Variants in MTUS2 observed in about 807,000 individuals in gnomAD.
MTUS2 encodes the protein microtubule-associated tumor suppressor candidate 2.
Under a neutral mutation model 114.1 loss-of-function variants are expected in MTUS2, and 40 were observed. The ratio of observed to expected loss-of-function variants is 0.35; its 90% CI spans 0.27 to 0.46. The LOEUF (loss-of-function observed/expected upper bound fraction) is 0.46, where lower values mean the gene tolerates loss of function less well. Among genes scored for constraint, MTUS2 ranks in the 20% least tolerant of loss-of-function variants. The pLI is 1.00. For missense variants in MTUS2, 1,679 were observed against 1,705.4 expected (o/e 0.98, Z 0.27); for synonymous variants, 688 against 672.0 (o/e 1.02, Z -0.37).
At chr13:29,128,597 T>C (rs1401401374) in intron 5 of MTUS2, among the ~76,000 whole-genome samples, 1 of 152,222 alleles carries the variant, frequency 6.6e-6, no homozygotes, top group Non-Finnish European at 1.5e-5. Context: ...AATCTTTACA[T>C]GAGCAAGGAT....
intron 3 of MTUS2, among the ~76,000 whole-genome samples, chr13:29,031,789 C>G (rs2138512894): frequency 6.6e-6 from 1 of 152,070 alleles, no homozygotes; most frequent in East Asian, 1.9e-4. Flanking sequence ...AATTAACCAT[C>G]CCAGACACCC....
chr13:28,842,741 G>T (rs894190293), intron 2 of MTUS2, among the ~76,000 whole-genome samples: 2 of 152,200 alleles, frequency 1.3e-5, no homozygotes, highest in Non-Finnish European at 2.9e-5. Flanking sequence ...GAGTTAGTGG[G>T]TTTTCCTGCA....
chr13:29,083,831 A>G (rs891675584), intron 4 of MTUS2, among the ~76,000 whole-genome samples: 1 of 152,158 alleles, frequency 6.6e-6, no homozygotes, highest in Non-Finnish European at 1.5e-5. Context: ...TCAAATTCTT[A>G]ATTATATTTA....
In MTUS2 at chr13:29,498,440, A is replaced by C; in HGVS notation, c.3701A>C (p.His1234Pro). The C allele has an allele frequency of 1.2e-6, 2 of 1,614,198 alleles. No homozygotes were observed. Among genetic ancestry groups the C allele is most frequent in the Non-Finnish European group, 1.7e-6 (2 of 1,180,028 alleles). ...TAGATTGCATTGGCTCCTTATCAGC[A>C]CTTGGAAGAAGACATGAAGAGTCTG... The part of the protein sequence containing the change: ...QLEIALAPYQ[H>P]LEEDMKSLKQ... The change falls in exon 14 of 16, where the codon CAC (histidine) becomes CCC (proline). Residue 1234 changes from histidine (H) to proline (P), a missense_variant. Physicochemically the swap from His to Pro is moderately conservative, Grantham distance 77. Coordinates refer to ENST00000612955, the MANE Select transcript of MTUS2 (RefSeq NM_001033602.4).
chr13:29,015,614 G>A (rs1392221977), intron 2 of MTUS2, among the ~76,000 whole-genome samples: 1 of 152,166 alleles, frequency 6.6e-6, no homozygotes, highest in East Asian at 1.9e-4. Context: ...GAAGTAAAAG[G>A]TGTCATAAAG....
At chr13:29,260,782 A>G (rs3011446) in intron 5 of MTUS2, among the ~76,000 whole-genome samples, 145,101 of 152,278 alleles carry the variant, frequency 0.95, 69,511 homozygotes, top group East Asian at 1. Flanking sequence ...CTTAATCGGG[A>G]CAGTATTCCC....
intron 2 of MTUS2, among the ~76,000 whole-genome samples, chr13:28,861,799 C>T (rs74708061): frequency 0.048 from 7,240 of 152,106 alleles, 263 homozygotes; most frequent in African/African-American, 0.098. Flanking sequence ...GGGAACTGCT[C>T]TGGAGGCGTG....
At chr13:29,194,072 A>G (rs1331379766) in intron 5 of MTUS2, among the ~76,000 whole-genome samples, 2 of 151,086 alleles carry the variant, frequency 1.3e-5, no homozygotes, top group African/African-American at 4.9e-5. Context: ...TCCCTTCCTT[A>G]CACCTTATAC....
intron 5 of MTUS2, among the ~76,000 whole-genome samples, chr13:29,208,748 C>G (rs183102942): frequency 1.3e-5 from 2 of 152,122 alleles, no homozygotes; most frequent in East Asian, 3.9e-4. Flanking sequence ...TTTGAGTGTT[C>G]CTTTTGGAGG....
chr13:29,176,137 CTT>C (rs1371307749), intron 5 of MTUS2, among the ~76,000 whole-genome samples: 1 of 152,086 alleles, frequency 6.6e-6, no homozygotes, highest in Non-Finnish European at 1.5e-5. Context: ...AAAATGTTGT[CTT>C]TTGAGTAAAT....
At chr13:29,402,674 C>T (rs764894565) in intron 8 of MTUS2, among the ~76,000 whole-genome samples, 9 of 152,142 alleles carry the variant, frequency 5.9e-5, no homozygotes, top group Admixed American at 2.6e-4. Flanking sequence ...TATAATATTC[C>T]AGTTCTCCAT....
intron 5 of MTUS2, among the ~76,000 whole-genome samples, chr13:29,109,624 T>A (rs1329100676): frequency 6.6e-6 from 1 of 152,076 alleles, no homozygotes; most frequent in Non-Finnish European, 1.5e-5. Context: ...AATAATAATA[T>A]TAATAATGAT....
intron 2 of MTUS2, among the ~76,000 whole-genome samples, chr13:28,880,169 A>T (rs148611194): frequency 2.3e-3 from 357 of 152,332 alleles, no homozygotes; most frequent in African/African-American, 6.8e-3. Flanking sequence ...TGTATTCATT[A>T]TGCTGAACTC....
intron 5 of MTUS2, among the ~76,000 whole-genome samples, chr13:29,201,246 C>T (rs1410382473): frequency 6.6e-6 from 1 of 151,968 alleles, no homozygotes; most frequent in African/African-American, 2.4e-5. Context: ...TTGCATTGAT[C>T]CCTTTATCAC....
At chr13:29,337,811 C>G (rs1250746073) in intron 7 of MTUS2, among the ~76,000 whole-genome samples, 5 of 119,252 alleles carry the variant, frequency 4.2e-5, no homozygotes, top group African/African-American at 2.1e-4. Context: ...TTTTTTGAGA[C>G]AGAGTCTCGC....
At chr13:29,056,256 G>A (rs892548580) in intron 4 of MTUS2, among the ~76,000 whole-genome samples, 1 of 151,972 alleles carries the variant, frequency 6.6e-6, no homozygotes, top group African/African-American at 2.4e-5. Flanking sequence ...GTTGATTTTT[G>A]TATGTGGTGT....
chr13:28,952,236 C>A (rs567759263), intron 2 of MTUS2, among the ~76,000 whole-genome samples: 2 of 152,342 alleles, frequency 1.3e-5, no homozygotes, highest in Admixed American at 6.5e-5. Context: ...TCTTTCCAAT[C>A]CAACACAACT....
chr13:28,877,074 C>T lies in MTUS2; in HGVS notation c.-243+37224C>T, dbSNP rs142517557. Among the ~76,000 whole-genome samples the T allele has an allele frequency of 3.2e-3, 482 of 150,300 alleles. 3 individuals are homozygous for T. Among genetic ancestry groups the T allele is most frequent in the African/African-American group, 0.011 (463 of 40,922 alleles). On this transcript the variant is annotated intron_variant, in intron 2 of 15. Transcript: ENST00000612955. ...TTGGGAGGCCGAGGTGGGCGGATCA[C>T]GAGGTCAGGAGATCAAGACCACCCT...
intron 5 of MTUS2, among the ~76,000 whole-genome samples, chr13:29,146,035 A>G (rs929981291): frequency 6.6e-6 from 1 of 152,208 alleles, no homozygotes; most frequent in African/African-American, 2.4e-5. Flanking sequence ...TATTTGTTGT[A>G]AACTTTTTTG....
Sources: gnomAD v4.1 joint callset for allele counts (sites outside exome capture counted in the v4.1 genomes callset) on GRCh38, gnomAD v4.1.1 for gene constraint, MANE v1.5 for transcripts, NCBI Gene and HGNC (gene_info 2026-07-23, HGNC 2026-07-21) for gene names.